The following ZNF609 variants were observed in gnomAD, a reference collection of about 807,000 sequenced individuals.
ZNF609 encodes the protein zinc finger protein 609.
A neutral mutation model predicts 109.5 loss-of-function variants in ZNF609; 11 were observed. The observed-to-expected ratio is 0.10, with a 90% CI of 0.06 to 0.17. The LOEUF is 0.17. Among genes scored for constraint, ZNF609 ranks in the 10% least tolerant of loss-of-function variants. The pLI, the probability that ZNF609 is intolerant of heterozygous loss-of-function variation, is 1.00. For synonymous variants in ZNF609, 646 were observed against 662.0 expected (o/e 0.98, Z 0.37); for missense variants, 1,559 against 1,772.4 (o/e 0.88, Z 2.16).
intron 2 of ZNF609, chr15:64,529,548 G>A: frequency 1.5e-6 from 2 of 1,332,714 alleles, no homozygotes; most frequent in Non-Finnish European, 2.1e-6. Flanking sequence ...AGACCATGTA[G>A]TTGAGGTCAA....
intron 2 of ZNF609, among the ~76,000 whole-genome samples, chr15:64,531,954 G>T (rs1767959157): frequency 6.6e-6 from 1 of 151,932 alleles, no homozygotes; most frequent in South Asian, 2.1e-4. Context: ...CCCTCCATTG[G>T]CTCTTAATTT....
chr15:64,655,616 C>T (rs2141000828), intron 3 of ZNF609, among the ~76,000 whole-genome samples: 2 of 152,154 alleles, frequency 1.3e-5, no homozygotes, highest in Admixed American at 1.3e-4. Context: ...CACCTAAGGT[C>T]AGGAGTTGGA....
chr15:64,529,709 T>C (rs1315401260), intron 2 of ZNF609: 8 of 671,900 alleles, frequency 1.2e-5, no homozygotes, highest in Admixed American at 7.3e-5. Context: ...CGAGAGAATA[T>C]GTGGCTGTCT....
Position 64,674,492 on chromosome 15 carries a change from G to T in ZNF609, c.1638G>T (p.Gly546=). 6.2e-7 allele frequency: 1 copy of T among 1,614,122 alleles called. No individual in the cohort carries two copies. The highest frequency in any genetic ancestry group is 1.7e-5 in the Admixed American group (1 of 60,024). The change falls in exon 5 of 10, where the codon GGG becomes GGT. Residue 546 remains glycine (G), a synonymous_variant. Coordinates refer to ENST00000326648, the MANE Select transcript of ZNF609 (RefSeq NM_015042.2). The part of the protein sequence containing the change: ...GEEPILHADL[G]SCNGASVSQK... ...AACCTATTCTCCATGCAGATCTTGG[G>T]AGCTGCAACGGTGCATCTGTCTCAC...
Position 64,649,366 on chromosome 15 carries a change from T to C in ZNF609, c.974-20980T>C, listed in dbSNP as rs558163451. Among the ~76,000 whole-genome samples, 121 of 152,278 alleles carry C rather than the reference T, an allele frequency of 7.9e-4. 2 individuals carry two copies. Among genetic ancestry groups the C allele is most frequent in the Non-Finnish European group, 1.5e-3 (102 of 68,022 alleles). ...TCATATATCTGATTTAAATCAGAACTCTGTCTCACACATACACACACACTC... is the reference window on the plus strand; with the variant it reads ...TCATATATCTGATTTAAATCAGAACCCTGTCTCACACATACACACACACTC... On this transcript the variant is annotated intron_variant, in intron 3 of 9. Coordinates refer to ENST00000326648, the MANE Select transcript of ZNF609 (RefSeq NM_015042.2).
intron 1 of ZNF609, among the ~76,000 whole-genome samples, chr15:64,494,501 TCCACACTG>T (rs912119508): frequency 2.6e-5 from 4 of 152,116 alleles, no homozygotes; most frequent in African/African-American, 9.7e-5. Context: ...GTTACTTTCT[TCCACACTG>T]CACACATCAT....
intron 1 of ZNF609, among the ~76,000 whole-genome samples, chr15:64,465,530 A>T (rs1166738931): frequency 6.6e-6 from 1 of 151,876 alleles, no homozygotes; most frequent in Non-Finnish European, 1.5e-5. Context: ...ACAGGCGCCC[A>T]CCACCATGCC....
intron 2 of ZNF609, among the ~76,000 whole-genome samples, chr15:64,622,359 A>T (rs1895889856): frequency 6.6e-6 from 1 of 152,156 alleles, no homozygotes; most frequent in South Asian, 2.1e-4. Context: ...CATGGATTTT[A>T]TGCCAGACTA....
At chr15:64,501,793 T>G (rs1466833713) in intron 2 of ZNF609, 2 of 152,228 alleles carry the variant, frequency 1.3e-5, no homozygotes, top group Non-Finnish European at 2.9e-5. Context: ...TGTTGCAACC[T>G]TCTAAGCCCA....
chr15:64,593,075 G>A (rs754212946), intron 2 of ZNF609: 73 of 1,593,574 alleles, frequency 4.6e-5, no homozygotes, highest in Admixed American at 8.3e-5. Flanking sequence ...CGTGCCCAAA[G>A]ACAAGGCCAT....
chr15:64,544,002 C>G (rs1469711137), intron 2 of ZNF609, among the ~76,000 whole-genome samples: 1 of 152,086 alleles, frequency 6.6e-6, no homozygotes, highest in Non-Finnish European at 1.5e-5. Context: ...TTGACTGACT[C>G]TCATTTATGT....
chr15:64,567,492 C>A (rs1000279236), intron 2 of ZNF609, among the ~76,000 whole-genome samples: 2 of 150,360 alleles, frequency 1.3e-5, no homozygotes, highest in East Asian at 2.0e-4. Context: ...AAAAAAAAAA[C>A]AAAAAACATT....
intron 1 of ZNF609, among the ~76,000 whole-genome samples, chr15:64,468,900 C>G (rs1014471089): frequency 6.6e-6 from 1 of 151,952 alleles, no homozygotes; most frequent in African/African-American, 2.4e-5. Flanking sequence ...TTCCATTTAG[C>G]TGTAGAATAT....
At chr15:64,651,908 C>T (rs570030483) in intron 3 of ZNF609, among the ~76,000 whole-genome samples, 1 of 152,164 alleles carries the variant, frequency 6.6e-6, no homozygotes, top group East Asian at 1.9e-4. Flanking sequence ...TATGTATTAC[C>T]TCTCTCACTA....
intron 2 of ZNF609, among the ~76,000 whole-genome samples, chr15:64,596,320 A>T (rs61381133): frequency 1.3e-5 from 2 of 151,862 alleles, no homozygotes; most frequent in Admixed American, 1.3e-4. Flanking sequence ...TGCCCGGCTA[A>T]TTTTTTTGTA....
chr15:64,638,222 TG>T (rs1896205928), intron 3 of ZNF609, among the ~76,000 whole-genome samples: 1 of 151,608 alleles, frequency 6.6e-6, no homozygotes, highest in Admixed American at 6.6e-5. Context: ...TTAACCTGTG[TG>T]GGTTTATTTA....
chr15:64,541,562 C>A (rs1026830135), intron 2 of ZNF609, among the ~76,000 whole-genome samples: 9 of 151,956 alleles, frequency 5.9e-5, no homozygotes, highest in African/African-American at 1.9e-4. Flanking sequence ...AGAATTCCGC[C>A]GGGTGCCGTG....
At chr15:64,673,169 C>T (rs1896761302) in intron 4 of ZNF609, among the ~76,000 whole-genome samples, 1 of 152,092 alleles carries the variant, frequency 6.6e-6, no homozygotes, top group Non-Finnish European at 1.5e-5. Flanking sequence ...GTTCTGGGAA[C>T]CCAAAGGAGA....
At chr15:64,609,130 T>TTCTTTC (rs750700444) in intron 2 of ZNF609, among the ~76,000 whole-genome samples, 16,956 of 83,572 alleles carry the variant, frequency 0.2, 1,878 homozygotes, top group Middle Eastern at 0.24. Context: ...CTTTCTTTCT[T>TTCTTTC]TTTTTCTTTC....
Sources: allele counts gnomAD v4.1 joint callset (sites outside exome capture counted in the v4.1 genomes callset), GRCh38; gene constraint gnomAD v4.1.1; transcripts MANE v1.5; gene names NCBI Gene and HGNC (gene_info 2026-07-23, HGNC 2026-07-21).